Variants in PLXNA4 observed in about 807,000 individuals in gnomAD.
The protein encoded by PLXNA4 is plexin-A4.
A neutral mutation model predicts 191.8 loss-of-function variants in PLXNA4; 44 were observed. The observed-to-expected ratio is 0.23, with a 90% CI of 0.18 to 0.29. The LOEUF is 0.29. Among genes scored for constraint, PLXNA4 ranks in the 10% least tolerant of loss-of-function variants. PLXNA4 has a pLI of 1.00. For missense variants in PLXNA4, 1,800 were observed against 2,488.8 expected (o/e 0.72, Z 5.89); for synonymous variants, 1,082 against 1,009.5 (o/e 1.07, Z -1.36).
intron 3 of PLXNA4, among the ~76,000 whole-genome samples, chr7:132,326,041 C>A (rs1022765303): frequency 6.6e-6 from 1 of 152,166 alleles, no homozygotes; most frequent in African/African-American, 2.4e-5. Flanking sequence ...CTGTGAAGGT[C>A]TTTCAGATGA....
At chr7:132,581,759 A>G (rs1445357095), upstream of PLXNA4, among the ~76,000 whole-genome samples, 3 of 152,028 alleles carry the variant, frequency 2.0e-5, no homozygotes, top group East Asian at 5.8e-4. Flanking sequence ...GTGGATCTTG[A>G]TCCTCTGGGC....
chr7:132,545,279 G>T (rs1053242181), intron 1 of PLXNA4, among the ~76,000 whole-genome samples: 3 of 152,158 alleles, frequency 2.0e-5, no homozygotes, highest in African/African-American at 7.2e-5. Flanking sequence ...TGGAAGTCAA[G>T]ATGTAGGTTT....
At chr7:132,311,193 T>TGTGTGTGCGCGC (rs71178034) in intron 3 of PLXNA4, among the ~76,000 whole-genome samples, 22 of 89,906 alleles carry the variant, frequency 2.4e-4, no homozygotes, top group African/African-American at 6.5e-4. Context: ...TGTGTGTGTG[T>TGTGTGTGCGCGC]GCGCGTGTGG....
chr7:132,232,224 A>G (rs1798547220), intron 5 of PLXNA4, among the ~76,000 whole-genome samples: 1 of 152,132 alleles, frequency 6.6e-6, no homozygotes, highest in Non-Finnish European at 1.5e-5. Flanking sequence ...GTTTCATTCC[A>G]AGAGGCCTCA....
intron 3 of PLXNA4, among the ~76,000 whole-genome samples, chr7:132,371,183 AG>A (rs1269404850): frequency 1.3e-5 from 2 of 152,126 alleles, no homozygotes; most frequent in Non-Finnish European, 2.9e-5. Flanking sequence ...ACACGTGCAA[AG>A]GTGGAAATCA....
intron 3 of PLXNA4, among the ~76,000 whole-genome samples, chr7:132,455,106 T>A (rs770931501): frequency 2.0e-5 from 3 of 152,184 alleles, no homozygotes; most frequent in Non-Finnish European, 4.4e-5. Flanking sequence ...GCCCCGGCTG[T>A]CAGCCTGCAG....
intron 1 of PLXNA4, among the ~76,000 whole-genome samples, chr7:132,573,602 A>G (rs1221234267): frequency 6.6e-6 from 1 of 152,068 alleles, no homozygotes; most frequent in African/African-American, 2.4e-5. Context: ...TCTGCCGTGC[A>G]GATTTCCCTG....
At chr7:132,506,527 A>G (rs1311966868) in intron 2 of PLXNA4, among the ~76,000 whole-genome samples, 2 of 152,234 alleles carry the variant, frequency 1.3e-5, no homozygotes, top group Non-Finnish European at 2.9e-5. Flanking sequence ...AAGGACAAGA[A>G]CACTGAAGAT....
At chr7:132,285,705 G>A (rs185180471) in intron 4 of PLXNA4, among the ~76,000 whole-genome samples, 129 of 152,290 alleles carry the variant, frequency 8.5e-4, no homozygotes, top group Non-Finnish European at 1.5e-3. Flanking sequence ...TTTTGAAAAC[G>A]TCCCATTGAT....
Position 132,223,612 on chromosome 7 carries a change from C to T in PLXNA4, c.2012G>A (p.Arg671His), listed in dbSNP as rs754690916. ...ATGCCGGTATTTACACCAGTGGCAGCGGTATGGACTCTCCACGCAGGACAG... is the reference window on the plus strand; with the variant it reads ...ATGCCGGTATTTACACCAGTGGCAGTGGTATGGACTCTCCACGCAGGACAG... ...SCLSCVESPY[R>H]CHWCKYRHVC... Residue 671 changes from arginine (R) to histidine (H), a missense_variant, in exon 9 of 32, where the codon CGC becomes CAC. Around this residue, in one of 6 missense-constraint regions of PLXNA4, gnomAD observed 1,397 missense variants for 1,880.4 expected, o/e 0.74. Transcript: ENST00000321063. 25 of 1,613,456 alleles carry T rather than the reference C, an allele frequency of 1.5e-5. No homozygotes were observed. In the Middle Eastern group the frequency reaches 4.9e-4, roughly 32 times the overall value.
intron 3 of PLXNA4, among the ~76,000 whole-genome samples, chr7:132,357,281 G>A (rs80105251): frequency 0.024 from 3,624 of 152,250 alleles, 140 homozygotes; most frequent in African/African-American, 0.084. Flanking sequence ...CTGAGAGCGT[G>A]GAACACTGAG....
chr7:132,592,298 G>C (rs995918753), intron 2 of PLXNA4, among the ~76,000 whole-genome samples: 5 of 152,182 alleles, frequency 3.3e-5, no homozygotes, highest in African/African-American at 7.2e-5. Context: ...CGGTGGACAA[G>C]AGACAAAGAT....
intron 16 of PLXNA4, among the ~76,000 whole-genome samples, chr7:132,184,133 T>C (rs1366482317): frequency 1.3e-5 from 2 of 152,192 alleles, no homozygotes; most frequent in Admixed American, 6.5e-5. Flanking sequence ...GGGAGACCAC[T>C]TCTGCATGTA....
chr7:132,514,637 C>T (rs1585255733), intron 1 of PLXNA4, among the ~76,000 whole-genome samples: 3 of 152,226 alleles, frequency 2.0e-5, no homozygotes, highest in Non-Finnish European at 2.9e-5. Context: ...AAAGACTGGC[C>T]TCCTCTGAGC....
intron 3 of PLXNA4, among the ~76,000 whole-genome samples, chr7:132,485,251 C>T (rs367929076): frequency 4.6e-5 from 7 of 152,304 alleles, no homozygotes; most frequent in South Asian, 2.1e-4. Flanking sequence ...GCCAGAGTTC[C>T]GCTTAACCAA....
chr7:132,287,103 CG>C (rs142496811), intron 4 of PLXNA4, among the ~76,000 whole-genome samples: 2,307 of 152,248 alleles, frequency 0.015, 48 homozygotes, highest in African/African-American at 0.052. Flanking sequence ...GGCATGATCT[CG>C]GCTCACTGCA....
chr7:132,500,277 T>C (rs1040502921), intron 2 of PLXNA4, among the ~76,000 whole-genome samples: 6 of 152,128 alleles, frequency 3.9e-5, no homozygotes, highest in African/African-American at 1.4e-4. Context: ...ACCCTGTCTG[T>C]ACTAAAAATA....
At chr7:132,587,933 T>G (rs946787930) in intron 2 of PLXNA4, among the ~76,000 whole-genome samples, 2 of 151,986 alleles carry the variant, frequency 1.3e-5, no homozygotes, top group African/African-American at 2.4e-5. Flanking sequence ...CAAATCTTCT[T>G]CCCATTCCAC....
chr7:132,131,435 C>T (rs1022451330), intron 31 of PLXNA4, among the ~76,000 whole-genome samples: 1 of 151,850 alleles, frequency 6.6e-6, no homozygotes, highest in African/African-American at 2.4e-5. Flanking sequence ...CAACACAAGG[C>T]CTGCCCCCCG....
Sources: gnomAD v4.1 joint callset for allele counts (sites outside exome capture counted in the v4.1 genomes callset) on GRCh38, gnomAD v4.1.1 for gene constraint, gnomAD v4.1.1 regional missense constraint, MANE v1.5 for transcripts, NCBI Gene and HGNC (gene_info 2026-07-23, HGNC 2026-07-21) for gene names.